The following NHSL2 variants were observed in gnomAD, a reference collection of about 807,000 sequenced individuals.
NHSL2 encodes the protein NHS-like protein 2.
Under a neutral mutation model 53.4 loss-of-function variants are expected in NHSL2, and 27 were observed. The observed-to-expected ratio is 0.51, with a 90% CI of 0.37 to 0.70. NHSL2 has a LOEUF of 0.70. Ranked by LOEUF, NHSL2 falls within the 30% of genes least tolerant of loss-of-function variation. The probability of loss-of-function intolerance (pLI) is 0.00; values close to 1 mark genes in which losing one functional copy is unlikely to be tolerated. For synonymous variants in NHSL2, 408 were observed against 404.1 expected, an observed-to-expected ratio of 1.01 and a Z score of -0.12; for missense variants, 892 against 980.1, an observed-to-expected ratio of 0.91 and a Z score of 1.20.
At chrX:71,923,238 A>C (rs1480838884) in intron 1 of NHSL2, among the ~76,000 whole-genome samples, 2 of 111,966 alleles carry the variant, frequency 1.8e-5, no homozygotes, top group African/African-American at 6.5e-5. Flanking sequence ...AATTAGGAGA[A>C]GCCACTCTTT....
intron 1 of NHSL2, among the ~76,000 whole-genome samples, chrX:71,940,919 C>T (rs1018002956): frequency 8.9e-6 from 1 of 111,739 alleles, no homozygotes; most frequent in Non-Finnish European, 1.9e-5. Flanking sequence ...CTTAGCAATC[C>T]TGGAGTAGGA....
chrX:71,942,246 G>T (rs1161070488), intron 1 of NHSL2, among the ~76,000 whole-genome samples: 2 of 112,436 alleles, frequency 1.8e-5, no homozygotes, highest in Non-Finnish European at 3.8e-5. Flanking sequence ...GATGCCTGAT[G>T]TGTGACCAAC....
chrX:72,004,992 C>T (rs973938378), intron 1 of NHSL2, among the ~76,000 whole-genome samples: 2 of 111,468 alleles, frequency 1.8e-5, no homozygotes, highest in Non-Finnish European at 3.8e-5. Context: ...CTCAGGATCA[C>T]GTTTCCCACC....
intron 1 of NHSL2, among the ~76,000 whole-genome samples, chrX:72,061,783 C>T (rs760846035): frequency 5.3e-5 from 6 of 112,391 alleles, no homozygotes; most frequent in African/African-American, 9.7e-5. Flanking sequence ...CCTCTCACTT[C>T]GTGGCCTCAT....
At chrX:71,936,451 G>C (rs1445356689) in intron 1 of NHSL2, among the ~76,000 whole-genome samples, 1 of 112,554 alleles carries the variant, frequency 8.9e-6, no homozygotes, top group Non-Finnish European at 1.9e-5. Flanking sequence ...CAGCTCTGAT[G>C]TTCTGAAGAC....
chrX:71,948,470 A>G (rs1236123764), intron 1 of NHSL2, among the ~76,000 whole-genome samples: 1 of 111,849 alleles, frequency 8.9e-6, no homozygotes, highest in African/African-American at 3.3e-5. Flanking sequence ...ATTATCATCT[A>G]GGTCTGCAGT....
chrX:72,070,817 G>T (rs952275598), intron 1 of NHSL2, among the ~76,000 whole-genome samples: 1 of 110,950 alleles, frequency 9.0e-6, no homozygotes, highest in African/African-American at 3.3e-5. Context: ...CTCTGTGCCT[G>T]TTTGGGAAGC....
intron 1 of NHSL2, among the ~76,000 whole-genome samples, chrX:71,974,401 G>A (rs1051484383): frequency 4.5e-5 from 5 of 111,871 alleles, no homozygotes; most frequent in Non-Finnish European, 9.4e-5. Flanking sequence ...AAATGTTGAC[G>A]TTTTGCAAAG....
intron 1 of NHSL2, chrX:72,128,694 C>G (rs773852901): frequency 8.9e-6 from 1 of 112,852 alleles, no homozygotes; most frequent in South Asian, 3.6e-4. Flanking sequence ...TCTCTCCTCT[C>G]AGAACTAAGG....
intron 1 of NHSL2, among the ~76,000 whole-genome samples, chrX:72,056,552 GCACACACA>G (rs60731699): frequency 1.9e-5 from 2 of 104,544 alleles, no homozygotes; most frequent in East Asian, 3.0e-4. Flanking sequence ...TAACGTCTGC[GCACACACA>G]CACACACACA....
At chrX:71,957,130 C>A (rs900049638) in intron 1 of NHSL2, among the ~76,000 whole-genome samples, 2 of 112,195 alleles carry the variant, frequency 1.8e-5, no homozygotes, top group Non-Finnish European at 1.9e-5. Flanking sequence ...AACCCCATGG[C>A]GGGAACACAA....
chrX:71,955,835 G>A lies in NHSL2; in HGVS notation c.280+44468G>A, dbSNP rs750399278. On this transcript the variant is annotated intron_variant, in intron 1 of 7. Coordinates refer to ENST00000633930, the MANE Select transcript of NHSL2 (RefSeq NM_001013627.3). The stretch of plus-strand genomic sequence containing the variant: ...AGTTTTCATTCAATTCTGACCACAT[G>A]TTTCCCATGAATCCTTAGGGAGAAG... Among the ~76,000 whole-genome samples, 4 of 108,496 alleles carry A rather than the reference G, an allele frequency of 3.7e-5. No homozygotes were observed. In the East Asian group the frequency reaches 8.7e-4, roughly 24 times the overall value. 94.2% of individuals were successfully genotyped at this position (108,496 alleles called of 115,157 possible).
At position 72,093,712 on chromosome X, in the gene NHSL2, A is replaced by AGCTTGCTTGCTT. The variant is rs747248899; in HGVS notation, c.281-38366_281-38355dup. On this transcript the variant is annotated intron_variant, in intron 1 of 7. Transcript: ENST00000633930. The stretch of plus-strand genomic sequence containing the variant: ...GTGTGTGTGAATATTCCCCTAGTAT[A>AGCTTGCTTGCTT]GCTTGCTTGCTTTCTTTCTTTCTTT... 6.5e-3 allele frequency among the ~76,000 whole-genome samples: 463 copies of AGCTTGCTTGCTT among 71,543 alleles called. 1 individual carries two copies. The highest frequency in any genetic ancestry group is 8.7e-3 in the Non-Finnish European group (326 of 37,577). 62.1% of individuals were successfully genotyped at this position (71,543 alleles called of 115,157 possible).
At chrX:72,044,443 G>C (rs2042293346) in intron 1 of NHSL2, 4 of 448,169 alleles carry the variant, frequency 8.9e-6, no homozygotes. Context: ...TCCTTGTCAG[G>C]TGGCCCCCAT....
At chrX:71,938,287 G>C (rs184990984) in intron 1 of NHSL2, among the ~76,000 whole-genome samples, 59 of 112,045 alleles carry the variant, frequency 5.3e-4, no homozygotes, top group African/African-American at 1.7e-3. Context: ...AAGGCAGCCT[G>C]CCCCATTATG....
intron 1 of NHSL2, among the ~76,000 whole-genome samples, chrX:71,921,607 T>G (rs539579761): frequency 1.5e-4 from 17 of 111,898 alleles, no homozygotes; most frequent in African/African-American, 4.2e-4. Flanking sequence ...TTTGTTTTCT[T>G]ACGTCACCGC....
chrX:72,035,868 C>T (rs969748235), intron 1 of NHSL2, among the ~76,000 whole-genome samples: 5 of 111,835 alleles, frequency 4.5e-5, no homozygotes, highest in African/African-American at 1.6e-4. Context: ...AGTCTGTGGC[C>T]TGTTTGGAAC....
At position 71,996,499 on chromosome X, in the gene NHSL2, G is replaced by A. The variant is rs752013313; in HGVS notation, c.280+85132G>A. On this transcript the variant is annotated intron_variant, in intron 1 of 7. Transcript: ENST00000633930. ...CACCTGCCACACAGGTAGGCCCATCGCTGGAGCAACCTCACCTCCTCTCCT... is the reference window on the plus strand; with the variant it reads ...CACCTGCCACACAGGTAGGCCCATCACTGGAGCAACCTCACCTCCTCTCCT... Among the ~76,000 whole-genome samples the A allele has an allele frequency of 9.8e-5, 11 of 112,590 alleles. No individual in the cohort carries two copies. The East Asian group carries it at 3.1e-3, about 32-fold the overall frequency.
At chrX:72,076,238 CAG>C (rs764993843) in intron 1 of NHSL2, among the ~76,000 whole-genome samples, 27 of 111,311 alleles carry the variant, frequency 2.4e-4, no homozygotes, top group African/African-American at 7.2e-4. Flanking sequence ...CAGCCGAACA[CAG>C]TGTATATTAT....
Sources: allele counts gnomAD v4.1 joint callset (sites outside exome capture counted in the v4.1 genomes callset), GRCh38; gene constraint gnomAD v4.1.1; transcripts MANE v1.5; gene names NCBI Gene and HGNC (gene_info 2026-07-23, HGNC 2026-07-21).